SPAG16: variants seen among roughly 807,000 people sequenced by gnomAD.
The protein encoded by SPAG16 is sperm-associated antigen 16 protein.
Under a neutral mutation model 80.4 loss-of-function variants are expected in SPAG16, and 86 were observed. The observed-to-expected ratio is 1.07, with a 90% CI of 0.90 to 1.28. The LOEUF (loss-of-function observed/expected upper bound fraction) is 1.28. Ranked by LOEUF, SPAG16 falls within the 50% of genes most tolerant of loss-of-function variation. The probability of loss-of-function intolerance (pLI) is 0.00; values close to 1 mark genes in which losing one functional copy is unlikely to be tolerated. For synonymous variants in SPAG16, 294 were observed against 265.9 expected (o/e 1.11, Z -1.03); for missense variants, 870 against 765.3 (o/e 1.14, Z -1.61).
chr2:213,753,525 A>G (rs1301128765), intron 10 of SPAG16, among the ~76,000 whole-genome samples: 3 of 152,178 alleles, frequency 2.0e-5, no homozygotes, highest in Admixed American at 2.0e-4. Flanking sequence ...ATAATTTTAG[A>G]ATGTATATTC....
intron 9 of SPAG16, among the ~76,000 whole-genome samples, chr2:213,393,079 A>G (rs1227073996): frequency 6.6e-6 from 1 of 152,134 alleles, no homozygotes; most frequent in African/African-American, 2.4e-5. Context: ...GCAAATGTGA[A>G]TCAGAATAAA....
At chr2:213,286,347 T>C (rs2062055897) in intron 1 of SPAG16, among the ~76,000 whole-genome samples, 1 of 152,146 alleles carries the variant, frequency 6.6e-6, no homozygotes, top group African/African-American at 2.4e-5. Context: ...TTTAACCAGT[T>C]TATTTTGCTA....
At chr2:213,686,589 A>G (rs970667378) in intron 10 of SPAG16, among the ~76,000 whole-genome samples, 10 of 150,672 alleles carry the variant, frequency 6.6e-5, no homozygotes, top group African/African-American at 2.4e-4. Context: ...TTTCTTGTTT[A>G]ATTTGATAAT....
chr2:213,868,879 C>T (rs1261850066), intron 11 of SPAG16, among the ~76,000 whole-genome samples: 1 of 152,244 alleles, frequency 6.6e-6, no homozygotes, highest in East Asian at 1.9e-4. Context: ...TACAGGCTAC[C>T]TATTCACATA....
At chr2:214,120,695 A>G (rs1266892347) in intron 14 of SPAG16, among the ~76,000 whole-genome samples, 4 of 151,888 alleles carry the variant, frequency 2.6e-5, no homozygotes, top group Non-Finnish European at 4.4e-5. Context: ...CCGCTTCTCA[A>G]TCTACTGTGC....
intron 15 of SPAG16, among the ~76,000 whole-genome samples, chr2:214,227,138 C>G (rs1196930481): frequency 6.6e-6 from 1 of 151,902 alleles, no homozygotes; most frequent in Admixed American, 6.6e-5. Flanking sequence ...AAACTTCATG[C>G]CTAGAATCTG....
At chr2:214,110,223 T>G (rs1032241600) in intron 14 of SPAG16, among the ~76,000 whole-genome samples, 1 of 152,134 alleles carries the variant, frequency 6.6e-6, no homozygotes, top group African/African-American at 2.4e-5. Flanking sequence ...ATGTGCCATG[T>G]TGGTTTCCTG....
intron 12 of SPAG16, among the ~76,000 whole-genome samples, chr2:213,936,849 C>T (rs188023078): frequency 1.1e-3 from 167 of 152,260 alleles, no homozygotes; most frequent in Non-Finnish European, 1.9e-3. Flanking sequence ...CTTCTGCCCA[C>T]TTCCTAGCAT....
At chr2:213,544,539 G>A (rs1046235738) in intron 10 of SPAG16, among the ~76,000 whole-genome samples, 47 of 151,918 alleles carry the variant, frequency 3.1e-4, no homozygotes, top group African/African-American at 1.0e-3. Flanking sequence ...ACCAAAAGTC[G>A]TAGTTTACAT....
At chr2:214,368,698 G>T (rs1295250080) in intron 15 of SPAG16, among the ~76,000 whole-genome samples, 3 of 151,974 alleles carry the variant, frequency 2.0e-5, no homozygotes, top group African/African-American at 7.2e-5. Flanking sequence ...GTAAAAGATG[G>T]TCCATCTACT....
chr2:214,256,048 T>C (rs12694321), intron 15 of SPAG16, among the ~76,000 whole-genome samples: 81,665 of 151,672 alleles, frequency 0.54, 24,458 homozygotes, highest in South Asian at 0.71. Flanking sequence ...ATAATAAGGA[T>C]ATAATGTTAT....
rs1212493113 is a variant in SPAG16, at chr2:213,857,751, T to A, written c.1071-4734T>A. ...TTTTAAAAACTATATTTTGTAAGGC[T>A]ATAGCTGCCATAGACAGTGATTCCT... On this transcript the variant is annotated intron_variant, in intron 10 of 15. Coordinates refer to ENST00000331683, the MANE Select transcript of SPAG16 (RefSeq NM_024532.5). 3.3e-5 allele frequency among the ~76,000 whole-genome samples: 5 copies of A among 152,210 alleles called. 1 individual carries two copies. Among genetic ancestry groups the A allele is most frequent in the Non-Finnish European group, 2.9e-5 (2 of 68,034 alleles).
intron 13 of SPAG16, among the ~76,000 whole-genome samples, chr2:214,025,219 G>A (rs1479830025): frequency 6.6e-6 from 1 of 151,618 alleles, no homozygotes; most frequent in South Asian, 2.1e-4. Flanking sequence ...TGGTTGATGG[G>A]TTAAATGATG....
intron 15 of SPAG16, among the ~76,000 whole-genome samples, chr2:214,310,570 G>A (rs1438273688): frequency 6.6e-6 from 1 of 152,188 alleles, no homozygotes; most frequent in African/African-American, 2.4e-5. Flanking sequence ...ATGATGTGTG[G>A]AAGCACCTGC....
chr2:213,687,311 A>G (rs953203893), intron 10 of SPAG16, among the ~76,000 whole-genome samples: 2 of 152,326 alleles, frequency 1.3e-5, no homozygotes, highest in Middle Eastern at 3.4e-3. Context: ...GCATTTAACT[A>G]TTAAGGAAAA....
chr2:213,891,883 A>C (rs976624210), intron 11 of SPAG16, among the ~76,000 whole-genome samples: 3 of 152,184 alleles, frequency 2.0e-5, no homozygotes, highest in African/African-American at 7.2e-5. Context: ...AACTGAGATC[A>C]AGATGGACAA....
intron 10 of SPAG16, among the ~76,000 whole-genome samples, chr2:213,511,706 T>C (rs1026327469): frequency 6.6e-6 from 1 of 152,060 alleles, no homozygotes; most frequent in Non-Finnish European, 1.5e-5. Context: ...AATGTTCTAC[T>C]ATCAAACTTA....
intron 13 of SPAG16, among the ~76,000 whole-genome samples, chr2:214,018,365 T>A (rs138999252): frequency 9.2e-4 from 140 of 152,298 alleles, no homozygotes; most frequent in African/African-American, 3.3e-3. Flanking sequence ...GTTGTCTGTA[T>A]AATATGGAAT....
intron 15 of SPAG16, among the ~76,000 whole-genome samples, chr2:214,347,656 C>T (rs1698143723): frequency 6.6e-6 from 1 of 152,164 alleles, no homozygotes; most frequent in Non-Finnish European, 1.5e-5. Flanking sequence ...GATATTATCA[C>T]AGTGGTGTTA....
Sources: allele counts gnomAD v4.1 joint callset (sites outside exome capture counted in the v4.1 genomes callset), GRCh38; gene constraint gnomAD v4.1.1; transcripts MANE v1.5; gene names NCBI Gene and HGNC (gene_info 2026-07-23, HGNC 2026-07-21).